Variants in ZNF644 observed in about 807,000 individuals in gnomAD.
ZNF644 encodes the protein zinc finger protein 644.
A neutral mutation model predicts 108.0 loss-of-function variants in ZNF644; 20 were observed. The observed-to-expected ratio is 0.19, with a 90% CI of 0.13 to 0.27. The LOEUF (loss-of-function observed/expected upper bound fraction) is 0.27. Ranked by LOEUF, ZNF644 falls within the 10% of genes least tolerant of loss-of-function variation. The pLI is 1.00. For missense variants in ZNF644, 1,338 were observed against 1,548.9 expected, an observed-to-expected ratio of 0.86 and a Z score of 2.29; for synonymous variants, 542 against 539.1, an observed-to-expected ratio of 1.01 and a Z score of -0.08.
chr1:90,983,861 G>A (rs1368942202), intron 1 of ZNF644, among the ~76,000 whole-genome samples: 8 of 152,164 alleles, frequency 5.3e-5, no homozygotes, highest in East Asian at 3.8e-4. Flanking sequence ...CTCAGGAAGC[G>A]GAGGTTGCAA....
rs138204684 is a variant in ZNF644, at chr1:90,982,345, C to T, written c.9G>A (p.Ser3=). MR[S]FLQQDVNKTK... is the part of the protein sequence containing the mutation. ...TCTTATTAACATCTTGCTGCAAGAACGATCTCATCCAAAATTAAATCAAAC... is the reference window on the plus strand; with the variant it reads ...TCTTATTAACATCTTGCTGCAAGAATGATCTCATCCAAAATTAAATCAAAC... The change falls in exon 2 of 6, where the codon TCG becomes TCA. Residue 3 remains serine, a synonymous_variant. Transcript: ENST00000337393. The T allele has an allele frequency of 1.1e-5, 18 of 1,610,506 alleles. No individual in the cohort carries two copies. The highest frequency in any genetic ancestry group is 1.5e-5 in the Non-Finnish European group (18 of 1,179,080).
At chr1:91,011,206 TC>T (rs1252014297) in intron 1 of ZNF644, among the ~76,000 whole-genome samples, 1 of 152,172 alleles carries the variant, frequency 6.6e-6, no homozygotes, top group Admixed American at 6.5e-5. Context: ...TTTTATTATT[TC>T]TTCAAGACAA....
At chr1:90,954,010 T>C (rs1653471155) in intron 2 of ZNF644, among the ~76,000 whole-genome samples, 1 of 152,194 alleles carries the variant, frequency 6.6e-6, no homozygotes, top group South Asian at 2.1e-4. Context: ...AGTTTGATTC[T>C]TTTTGCTGAG....
intron 1 of ZNF644, among the ~76,000 whole-genome samples, chr1:91,014,014 A>C (rs2100661850): frequency 6.6e-6 from 1 of 152,320 alleles, no homozygotes; most frequent in South Asian, 2.1e-4. Flanking sequence ...TGACCTATAC[A>C]ATCTATTTAT....
At chr1:90,941,348 GA>G in intron 2 of ZNF644, 39 bp from the exon 3 acceptor site, 3 of 1,550,978 alleles carry the variant, frequency 1.9e-6, no homozygotes, top group Non-Finnish European at 2.6e-6. Flanking sequence ...TTGCATGAAA[GA>G]AAAAATACTA....
intron 4 of ZNF644, among the ~76,000 whole-genome samples, chr1:90,928,044 C>T (rs1021044627): frequency 6.6e-5 from 10 of 151,132 alleles, no homozygotes; most frequent in Non-Finnish European, 1.2e-4. Flanking sequence ...CGGAGTTTCA[C>T]CATGTTGGCC....
At chr1:91,014,292 C>G (rs1660237482) in intron 1 of ZNF644, among the ~76,000 whole-genome samples, 1 of 151,920 alleles carries the variant, frequency 6.6e-6, no homozygotes, top group Non-Finnish European at 1.5e-5. Context: ...GTCATCTTCC[C>G]GATGAGTGCC....
chr1:90,976,562 T>A (rs534671557), intron 2 of ZNF644, among the ~76,000 whole-genome samples: 1 of 152,364 alleles, frequency 6.6e-6, no homozygotes, highest in African/African-American at 2.4e-5. Context: ...TATTTGCCGC[T>A]TAGCCTTTGT....
intron 2 of ZNF644, among the ~76,000 whole-genome samples, chr1:90,948,078 A>G (rs1419502289): frequency 1.3e-5 from 2 of 152,204 alleles, no homozygotes; most frequent in Non-Finnish European, 2.9e-5. Context: ...TCAGAATAGA[A>G]ATAATTTTAA....
At chr1:90,922,791 T>C (rs540875924) in intron 4 of ZNF644, among the ~76,000 whole-genome samples, 12 of 152,194 alleles carry the variant, frequency 7.9e-5, no homozygotes, top group African/African-American at 2.9e-4. Flanking sequence ...TTTGTGTCCA[T>C]GTGTTCTCGT....
intron 2 of ZNF644, among the ~76,000 whole-genome samples, chr1:90,962,966 T>C (rs996029551): frequency 1.3e-5 from 2 of 152,064 alleles, no homozygotes; most frequent in Admixed American, 1.3e-4. Flanking sequence ...TATACTAAAA[T>C]TAAGACCTTC....
intron 2 of ZNF644, among the ~76,000 whole-genome samples, chr1:90,953,013 G>GAA (rs371575306): frequency 6.4e-5 from 6 of 94,186 alleles, no homozygotes; most frequent in Non-Finnish European, 8.7e-5. Context: ...TTAGACTGAG[G>GAA]AAAAAAAAAA....
At chr1:91,001,274 C>T (rs1378659178) in intron 1 of ZNF644, among the ~76,000 whole-genome samples, 9 of 152,168 alleles carry the variant, frequency 5.9e-5, no homozygotes, top group African/African-American at 2.2e-4. Flanking sequence ...AACATCGATG[C>T]AAAAATCCTC....
chr1:91,003,466 G>A (rs1459759155), intron 1 of ZNF644, among the ~76,000 whole-genome samples: 1 of 151,922 alleles, frequency 6.6e-6, no homozygotes, highest in Non-Finnish European at 1.5e-5. Context: ...TCACTCATAG[G>A]TGGGAATTGA....
rs756508393 is a variant in ZNF644 at position 90,938,142 on chromosome 1, A to G, written c.3083-52T>C. The G allele has an allele frequency of 1.2e-6, 2 of 1,606,648 alleles. No individual in the cohort carries two copies. The highest frequency in any genetic ancestry group is 2.2e-5 in the South Asian group (2 of 90,418). On this transcript the variant is annotated intron_variant, in intron 3 of 5. Transcript: ENST00000337393. This position sits in a 1 kb window ranked among gnomAD's most constrained non-coding sequence, Gnocchi z 4.2. Reference sequence around the variant, plus strand: ...TCAGACTTTCTTATATAAACTGACCACCCTAAAATGAGTTAATTCTGAAAC... The same window carrying G: ...TCAGACTTTCTTATATAAACTGACCGCCCTAAAATGAGTTAATTCTGAAAC...
At chr1:90,922,071 T>C (rs1189000021) in intron 4 of ZNF644, among the ~76,000 whole-genome samples, 1 of 152,206 alleles carries the variant, frequency 6.6e-6, no homozygotes, top group Admixed American at 6.5e-5. Context: ...TTTTATACAA[T>C]AATTGCTTCA....
At chr1:90,969,566 C>A (rs1234604878) in intron 2 of ZNF644, among the ~76,000 whole-genome samples, 1 of 152,162 alleles carries the variant, frequency 6.6e-6, no homozygotes, top group African/African-American at 2.4e-5. Context: ...CACTGTCCTG[C>A]TCCATCCTAC....
At chr1:90,997,722 C>T (rs889164188) in intron 1 of ZNF644, among the ~76,000 whole-genome samples, 1 of 152,126 alleles carries the variant, frequency 6.6e-6, no homozygotes, top group African/African-American at 2.4e-5. Flanking sequence ...GCCCACCAAG[C>T]ATGAGCCGAA....
chr1:90,978,620 A>C (rs1481122382), intron 2 of ZNF644, among the ~76,000 whole-genome samples: 1 of 152,184 alleles, frequency 6.6e-6, no homozygotes, highest in Non-Finnish European at 1.5e-5. Context: ...GGATTCGGGG[A>C]TTCTGCAGTC....
Sources: gnomAD v4.1 joint callset for allele counts (sites outside exome capture counted in the v4.1 genomes callset) on GRCh38, gnomAD v4.1.1 for gene constraint, Gnocchi (gnomAD v3.1) non-coding constraint, MANE v1.5 for transcripts, NCBI Gene and HGNC (gene_info 2026-07-23, HGNC 2026-07-21) for gene names.